Variants in ZFAND3 observed in about 807,000 individuals in gnomAD.
The protein encoded by ZFAND3 is zinc finger AN1-type containing 3.
In ZFAND3, 10 loss-of-function variants were observed where a neutral mutation model predicts 29.6. The observed-to-expected ratio is 0.34, with a 90% confidence interval of 0.21 to 0.57. ZFAND3 has a LOEUF of 0.57. Among genes scored for constraint, ZFAND3 ranks in the 20% least tolerant of loss-of-function variants. The probability of loss-of-function intolerance (pLI) is 0.86; values close to 1 mark genes in which losing one functional copy is unlikely to be tolerated. For missense variants in ZFAND3, 230 were observed against 304.5 expected, an observed-to-expected ratio of 0.76 and a Z score of 1.82; for synonymous variants, 128 against 112.6, an observed-to-expected ratio of 1.14 and a Z score of -0.87.
At chr6:37,858,157 A>G (rs1227072453) in intron 1 of ZFAND3, among the ~76,000 whole-genome samples, 1 of 152,122 alleles carries the variant, frequency 6.6e-6, no homozygotes, top group Non-Finnish European at 1.5e-5. Flanking sequence ...TGTTGAGCCA[A>G]GTTTGACCCT....
intron 2 of ZFAND3, among the ~76,000 whole-genome samples, chr6:38,041,639 T>C (rs965617103): frequency 2.4e-4 from 3 of 12,752 alleles, no homozygotes; most frequent in East Asian, 0.012. Context: ...TTTTTCTTCT[T>C]CTTCTTCTTC....
At chr6:37,847,447 G>C (rs1383802203) in intron 1 of ZFAND3, among the ~76,000 whole-genome samples, 1 of 152,058 alleles carries the variant, frequency 6.6e-6, no homozygotes, top group South Asian at 2.1e-4. Context: ...GGTGGCATTT[G>C]CCTGTAATCC....
Position 37,904,173 on chromosome 6 carries a change from G to A in ZFAND3, c.72-25786G>A, listed in dbSNP as rs545338050. Among the ~76,000 whole-genome samples, 201 of 152,308 alleles carry A rather than the reference G, an allele frequency of 1.3e-3. 1 individual carries two copies. Among genetic ancestry groups the A allele is most frequent in the African/African-American group, 4.7e-3 (195 of 41,568 alleles). Reference sequence around the variant, plus strand: ...TAAATAGAATAAACCATGTTGGGCAGTGTACATCCTGTGGAAGCCTATGTG... The same window carrying A: ...TAAATAGAATAAACCATGTTGGGCAATGTACATCCTGTGGAAGCCTATGTG... On this transcript the variant is annotated intron_variant, in intron 1 of 5. Transcript: ENST00000287218.
chr6:38,007,549 TA>T (rs756531284), intron 2 of ZFAND3, among the ~76,000 whole-genome samples: 76 of 151,320 alleles, frequency 5.0e-4, no homozygotes, highest in Admixed American at 1.8e-3. Flanking sequence ...TGTTTCAATT[TA>T]AAAAAAAAGA....
At chr6:37,967,604 T>C (rs1762315273) in intron 2 of ZFAND3, among the ~76,000 whole-genome samples, 1 of 152,256 alleles carries the variant, frequency 6.6e-6, no homozygotes, top group Admixed American at 6.5e-5. Context: ...TGTTTAAATA[T>C]ATTGAAAATT....
chr6:38,024,822 A>G (rs115954990), intron 2 of ZFAND3, among the ~76,000 whole-genome samples: 1,533 of 152,274 alleles, frequency 0.01, 16 homozygotes, highest in African/African-American at 0.033. Flanking sequence ...ATGGGGAGCA[A>G]TTGCTTAATG....
chr6:38,077,291 C>T (rs1166583456), intron 3 of ZFAND3, among the ~76,000 whole-genome samples: 2 of 151,766 alleles, frequency 1.3e-5, no homozygotes, highest in African/African-American at 4.8e-5. Flanking sequence ...GAACTGTGAG[C>T]CTGGAAAAGT....
chr6:37,949,498 G>T (rs1761960659), intron 2 of ZFAND3, among the ~76,000 whole-genome samples: 1 of 152,102 alleles, frequency 6.6e-6, no homozygotes, highest in Non-Finnish European at 1.5e-5. Context: ...CTACCTGGAG[G>T]TGTAGTGCCA....
At chr6:38,062,924 CAA>C (rs879824351) in intron 3 of ZFAND3, among the ~76,000 whole-genome samples, 11 of 133,074 alleles carry the variant, frequency 8.3e-5, no homozygotes, top group Admixed American at 7.6e-5. Flanking sequence ...TTGTCTCTAC[CAA>C]AAAAAAAAAA....
intron 1 of ZFAND3, among the ~76,000 whole-genome samples, chr6:37,860,934 A>G (rs1424608924): frequency 6.6e-6 from 1 of 152,084 alleles, no homozygotes. Flanking sequence ...ATGCCAGTGA[A>G]ATGTTAAATA....
intron 3 of ZFAND3, among the ~76,000 whole-genome samples, chr6:38,075,937 A>G (rs1187180940): frequency 6.6e-6 from 1 of 152,114 alleles, no homozygotes; most frequent in Non-Finnish European, 1.5e-5. Context: ...TATTTTTAGT[A>G]GAGATTGGGT....
chr6:38,109,565 G>A (rs780775454), intron 4 of ZFAND3, among the ~76,000 whole-genome samples: 8 of 151,970 alleles, frequency 5.3e-5, no homozygotes, highest in Non-Finnish European at 7.4e-5. Context: ...TTGATCTTTT[G>A]ATGAGTTCAT....
chr6:38,055,729 T>C (rs891198885), intron 2 of ZFAND3, among the ~76,000 whole-genome samples: 1 of 152,224 alleles, frequency 6.6e-6, no homozygotes, highest in African/African-American at 2.4e-5. Flanking sequence ...ACTTACTGAT[T>C]ATGAAATTAG....
intron 1 of ZFAND3, among the ~76,000 whole-genome samples, chr6:37,914,662 C>CTTTTTTTTTATTT (rs1327923079): frequency 1.6e-5 from 1 of 62,468 alleles, no homozygotes; most frequent in Non-Finnish European, 3.6e-5. Context: ...TTCTTTCTTT[C>CTTTTTTTTTATTT]TTTTTTTTTC....
At chr6:38,030,066 A>G (rs1291227105) in intron 2 of ZFAND3, among the ~76,000 whole-genome samples, 57 of 25,448 alleles carry the variant, frequency 2.2e-3, no homozygotes, top group South Asian at 8.5e-3. Context: ...ATATATATAT[A>G]TATATATATA....
chr6:38,140,200 CA>C (rs1182743041), intron 5 of ZFAND3, among the ~76,000 whole-genome samples: 1 of 152,076 alleles, frequency 6.6e-6, no homozygotes, highest in Non-Finnish European at 1.5e-5. Context: ...TATGGAGCTC[CA>C]AAGAGAGGTC....
At chr6:37,961,265 T>C (rs1430095502) in intron 2 of ZFAND3, among the ~76,000 whole-genome samples, 4 of 152,198 alleles carry the variant, frequency 2.6e-5, no homozygotes, top group Admixed American at 2.6e-4. Context: ...GAGGCTCCTC[T>C]GCCTTTGGAA....
At chr6:37,880,792 CAT>C (rs1197312181) in intron 1 of ZFAND3, among the ~76,000 whole-genome samples, 1 of 138,670 alleles carries the variant, frequency 7.2e-6, no homozygotes, top group Non-Finnish European at 1.5e-5. Context: ...GCTAGCACCT[CAT>C]AAAAAATACT....
Position 38,044,441 on chromosome 6 carries a change from C to T in ZFAND3, c.113-17152C>T, listed in dbSNP as rs559775188. Reference sequence around the variant, plus strand: ...TTTGTCTGAAATGAATGAAATTGGTCCTTTGGCCATCTTGCAGAAGAACTT... The same window carrying T: ...TTTGTCTGAAATGAATGAAATTGGTTCTTTGGCCATCTTGCAGAAGAACTT... On this transcript the variant is annotated intron_variant, in intron 2 of 5. Transcript: ENST00000287218. Among the ~76,000 whole-genome samples the T allele has an allele frequency of 8.6e-5, 13 of 151,824 alleles. 1 individual carries two copies. The highest frequency in any genetic ancestry group is 1.5e-4 in the Non-Finnish European group (10 of 67,962).
Sources: allele counts gnomAD v4.1 joint callset (sites outside exome capture counted in the v4.1 genomes callset), GRCh38; gene constraint gnomAD v4.1.1; transcripts MANE v1.5; gene names NCBI Gene and HGNC (gene_info 2026-07-23, HGNC 2026-07-21).